CSMD1: variants seen among roughly 807,000 people sequenced by gnomAD.
CSMD1 encodes the protein CUB and sushi domain-containing protein 1.
A neutral mutation model predicts 417.5 loss-of-function variants in CSMD1; 213 were observed. That is an observed-to-expected ratio of 0.51 (90% CI 0.46 to 0.57). The LOEUF (loss-of-function observed/expected upper bound fraction) is 0.57. Ranked by LOEUF, CSMD1 falls within the 20% of genes least tolerant of loss-of-function variation. CSMD1 has a pLI of 0.00. For missense variants in CSMD1, 6,923 were observed against 4,529.7 expected, an observed-to-expected ratio of 1.53 and a Z score of -15.17; for synonymous variants, 2,862 against 1,736.8, an observed-to-expected ratio of 1.65 and a Z score of -16.11.
chr8:3,519,370 G>T (rs534328236), intron 10 of CSMD1, among the ~76,000 whole-genome samples: 4 of 152,234 alleles, frequency 2.6e-5, no homozygotes, highest in African/African-American at 9.6e-5. Context: ...ATCTTGAAAG[G>T]GTTTCTATGG....
In CSMD1 at chr8:2,999,998, C is replaced by T. The variant is rs2128955254; in HGVS notation, c.8163G>A (p.Leu2721=). ...RLVGTSVRIC[L]QDHKWSGQTP... is the part of the protein sequence containing the mutation. ...TTTGTCCAGACCACTTGTGGTCTTG[C>T]AGGCATATCCTCACGGAAGTTCCCA... The change falls in exon 53 of 70, where the codon CTG becomes CTA. Residue 2721 remains leucine (L), a synonymous_variant. Coordinates refer to ENST00000635120, the MANE Select transcript of CSMD1 (RefSeq NM_033225.6). 1 of 1,609,296 alleles carries T rather than the reference C, an allele frequency of 6.2e-7. No individual in the cohort carries two copies. Among genetic ancestry groups the T allele is most frequent in the Non-Finnish European group, 8.5e-7 (1 of 1,179,008 alleles).
At chr8:4,185,491 G>A (rs1163326092) in intron 3 of CSMD1, among the ~76,000 whole-genome samples, 1 of 151,900 alleles carries the variant, frequency 6.6e-6, no homozygotes, top group African/African-American at 2.4e-5. Flanking sequence ...ATCCATTCAG[G>A]GAATCCGAAA....
intron 7 of CSMD1, among the ~76,000 whole-genome samples, chr8:3,623,807 C>G (rs537951936): frequency 5.3e-5 from 8 of 152,096 alleles, no homozygotes; most frequent in African/African-American, 1.7e-4. Context: ...GAAACCCTGT[C>G]TCTACTAAAA....
At chr8:3,271,678 C>G (rs1224667278) in intron 26 of CSMD1, among the ~76,000 whole-genome samples, 2 of 152,158 alleles carry the variant, frequency 1.3e-5, no homozygotes, top group African/African-American at 4.8e-5. Context: ...CTCTGATAGC[C>G]AGTGATGATG....
At chr8:3,828,210 C>T (rs1466300640) in intron 5 of CSMD1, among the ~76,000 whole-genome samples, 1 of 152,090 alleles carries the variant, frequency 6.6e-6, no homozygotes, top group Non-Finnish European at 1.5e-5. Context: ...ATATTCCTGG[C>T]TAGAAAAGAC....
intron 1 of CSMD1, among the ~76,000 whole-genome samples, chr8:4,739,461 T>C (rs1034451827): frequency 2.0e-5 from 3 of 152,222 alleles, no homozygotes; most frequent in African/African-American, 7.2e-5. Context: ...GTGAATATTA[T>C]CTAATTGAAT....
At chr8:4,148,463 A>G (rs139025307) in intron 3 of CSMD1, among the ~76,000 whole-genome samples, 15 of 152,244 alleles carry the variant, frequency 9.9e-5, no homozygotes, top group African/African-American at 3.6e-4. Flanking sequence ...GCACATGTAT[A>G]CATATGTAAC....
rs1803574394 is a variant in CSMD1, at chr8:4,523,252, G to A, written c.303-103187C>T. On this transcript the variant is annotated intron_variant, in intron 2 of 69. Transcript: ENST00000635120. ...AGCAAGGGATATAAAAACAAACATAGATTGACCCTCAAATCATTTGCCATA... is the reference window on the plus strand; with the variant it reads ...AGCAAGGGATATAAAAACAAACATAAATTGACCCTCAAATCATTTGCCATA... Among the ~76,000 whole-genome samples the A allele has an allele frequency of 1.3e-5, 2 of 152,088 alleles. 1 individual carries two copies. Among genetic ancestry groups the A allele is most frequent in the South Asian group, 4.1e-4 (2 of 4,820 alleles).
chr8:4,097,031 T>G (rs1473841182), intron 3 of CSMD1, among the ~76,000 whole-genome samples: 3 of 152,224 alleles, frequency 2.0e-5, no homozygotes, highest in African/African-American at 7.2e-5. Context: ...CCCCCATCTT[T>G]TTTTAATTAA....
intron 49 of CSMD1, among the ~76,000 whole-genome samples, chr8:3,061,314 T>A (rs182278373): frequency 6.6e-6 from 1 of 152,218 alleles, no homozygotes; most frequent in African/African-American, 2.4e-5. Flanking sequence ...TATTTTGTCA[T>A]GAGAAATAAT....
At chr8:3,082,087 T>C (rs1814144160) in intron 49 of CSMD1, among the ~76,000 whole-genome samples, 2 of 152,226 alleles carry the variant, frequency 1.3e-5, no homozygotes, top group Admixed American at 6.5e-5. Context: ...CTGTGGACTC[T>C]GTTTCCTAAG....
At chr8:4,227,524 T>C (rs1157680560) in intron 3 of CSMD1, among the ~76,000 whole-genome samples, 3 of 152,076 alleles carry the variant, frequency 2.0e-5, no homozygotes, top group African/African-American at 7.2e-5. Flanking sequence ...CCACACATTA[T>C]AGACCTAACT....
chr8:3,983,582 T>C (rs897103284), intron 5 of CSMD1, among the ~76,000 whole-genome samples: 4 of 152,192 alleles, frequency 2.6e-5, no homozygotes, highest in African/African-American at 7.2e-5. Flanking sequence ...TTTTGATGTT[T>C]CTATTTTATT....
chr8:3,868,563 G>A (rs1220780876), intron 5 of CSMD1, among the ~76,000 whole-genome samples: 1 of 152,136 alleles, frequency 6.6e-6, no homozygotes, highest in Non-Finnish European at 1.5e-5. Context: ...GTTCTGAAAT[G>A]TGGATTTGAG....
intron 10 of CSMD1, among the ~76,000 whole-genome samples, chr8:3,546,437 G>A (rs986219010): frequency 5.9e-5 from 9 of 152,068 alleles, no homozygotes; most frequent in African/African-American, 1.7e-4. Flanking sequence ...TTGGGAGGCT[G>A]AGGCAGGAGA....
intron 1 of CSMD1, among the ~76,000 whole-genome samples, chr8:4,732,210 C>G (rs888865139): frequency 6.6e-6 from 1 of 152,150 alleles, no homozygotes; most frequent in Non-Finnish European, 1.5e-5. Flanking sequence ...TCAGATGTAT[C>G]AGACCCCATG....
rs189636061 is a variant in CSMD1, at chr8:3,273,520, C to T, written c.4153+10624G>A. 5.9e-3 allele frequency among the ~76,000 whole-genome samples: 892 copies of T among 152,246 alleles called. 8 individuals are homozygous for T. Among genetic ancestry groups the T allele is most frequent in the African/African-American group, 0.02 (845 of 41,532 alleles). ...TCAGAAGGAATGGTACAAATTCCTCCTTGTACCTCTGGTAGAATTCGGTTG... is the reference window on the plus strand; with the variant it reads ...TCAGAAGGAATGGTACAAATTCCTCTTTGTACCTCTGGTAGAATTCGGTTG... On this transcript the variant is annotated intron_variant, in intron 26 of 69. Transcript: ENST00000635120.
At chr8:4,553,080 G>A (rs1170654000) in intron 2 of CSMD1, among the ~76,000 whole-genome samples, 3 of 152,094 alleles carry the variant, frequency 2.0e-5, no homozygotes, top group African/African-American at 7.2e-5. Context: ...CACTCTCTAG[G>A]TACCAATTAC....
At chr8:4,710,923 C>G (rs556712878) in intron 1 of CSMD1, among the ~76,000 whole-genome samples, 13 of 151,728 alleles carry the variant, frequency 8.6e-5, no homozygotes, top group African/African-American at 2.7e-4. Flanking sequence ...GGCCTGAGTC[C>G]AAACATAAAA....
Sources: gnomAD v4.1 joint callset for allele counts (sites outside exome capture counted in the v4.1 genomes callset) on GRCh38, gnomAD v4.1.1 for gene constraint, MANE v1.5 for transcripts, NCBI Gene and HGNC (gene_info 2026-07-23, HGNC 2026-07-21) for gene names.